TTN: variants seen among roughly 807,000 people sequenced by gnomAD.
TTN encodes the protein connectin.
Under a neutral mutation model 3,223.0 loss-of-function variants are expected in TTN, and 1,525 were observed. That is an observed-to-expected ratio of 0.47 (90% CI 0.45 to 0.49). The LOEUF (loss-of-function observed/expected upper bound fraction) is 0.49, where lower values mean the gene tolerates loss of function less well. TTN is among the 20% of genes least tolerant of loss of function. The probability of loss-of-function intolerance (pLI) is 0.00; values close to 1 mark genes in which losing one functional copy is unlikely to be tolerated. For missense variants in TTN, 40,786 were observed against 43,424.0 expected, an observed-to-expected ratio of 0.94 and a Z score of 5.40; for synonymous variants, 14,094 against 15,161.0, an observed-to-expected ratio of 0.93 and a Z score of 5.17.
At position 178,674,905 on chromosome 2, in the gene TTN, G is replaced by A. The variant is rs904287310; in HGVS notation, c.34612+134C>T. The A allele has an allele frequency of 5.1e-4, 246 of 481,114 alleles. 1 individual carries two copies. Among genetic ancestry groups the A allele is most frequent in the Non-Finnish European group, 7.0e-4 (198 of 282,462 alleles). 29.8% of individuals were successfully genotyped at this position (481,114 alleles called of 1,614,324 possible). A position where few individuals can be genotyped will look rare whatever the true frequency, so the allele number is the denominator to read the frequency against. On this transcript the variant is annotated intron_variant, in intron 150 of 362. Coordinates refer to ENST00000589042, the MANE Select transcript of TTN (RefSeq NM_001267550.2). The stretch of plus-strand genomic sequence containing the variant: ...AATTTGCCTGCCCAATTTCTATTAG[G>A]TTAATAATAATTTATTTTAGAATCT...
chr2:178,530,978 C>T lies in TTN; in HGVS notation c.105637G>A (p.Glu35213Lys). ...VENSEGKQEA[E>K]FTLTIQKARV... The stretch of plus-strand genomic sequence containing the variant: ...GCCTTTTGAATAGTCAGAGTGAACT[C>T]TGCTTCTTGTTTCCCTTCACTGTTT... Residue 35213 changes from glutamate to lysine, a missense_variant, in exon 358 of 363, where the codon GAG becomes AAG. Transcript: ENST00000589042. 2 of 1,614,002 alleles carry T rather than the reference C, an allele frequency of 1.2e-6. No individual in the cohort carries two copies. Among genetic ancestry groups the T allele is most frequent in the East Asian group, 4.5e-5 (2 of 44,880 alleles).
chr2:178,764,914 G>A (rs1486932032), intron 41 of TTN, 103 bp from the exon 42 acceptor site: 48 of 1,394,000 alleles, frequency 3.4e-5, no homozygotes, highest in Non-Finnish European at 4.5e-5. Flanking sequence ...TACATCCAGA[G>A]ACAAAATTTT....
At chr2:178,747,241 T>G (rs775985342) in intron 47 of TTN, 2 of 1,612,338 alleles carry the variant, frequency 1.2e-6, no homozygotes, top group Non-Finnish European at 8.5e-7. Flanking sequence ...CCCCTGGGGG[T>G]GTGGAGTATC....
chr2:178,663,957 A>C lies in TTN; in HGVS notation c.36365-55T>G. ...GGTGTTATGAAGACCGCTAGAAAAA[A>C]ATATTGTCAAGAGCAGAAGAATTAG... On this transcript the variant is annotated intron_variant, in intron 169 of 362. Transcript: ENST00000589042. The C allele has an allele frequency of 1.9e-6, 3 of 1,612,714 alleles. No homozygotes were observed. In the South Asian group the frequency reaches 3.3e-5, roughly 18 times the overall value.
intron 6 of TTN, chr2:178,799,193 G>T (rs909459210): frequency 1.5e-5 from 6 of 399,402 alleles, no homozygotes; most frequent in African/African-American, 1.2e-4. Context: ...CTGCCTTCCC[G>T]CCCAAATGTT....
rs1561183313 is a variant in TTN at position 178,766,548 on chromosome 2, C to A, written c.9536G>T (p.Trp3179Leu). 2 of 1,614,002 alleles carry A rather than the reference C, an allele frequency of 1.2e-6. No individual in the cohort carries two copies. The highest frequency in any genetic ancestry group is 3.3e-4 in the Middle Eastern group (2 of 6,062). ...ATTGATTTCAATGCCATCTTTATAC[C>A]AGTGGGCATCAACATCGTCTTCATT... ...EVNEDDVDAH[W>L]YKDGIEINFQ... Residue 3179 changes from tryptophan (W) to leucine (L), a missense_variant, in exon 41 of 363, where the codon TGG (tryptophan) becomes TTG (leucine). Coordinates refer to ENST00000589042, the MANE Select transcript of TTN (RefSeq NM_001267550.2).
rs1315059139 is a variant in TTN, at chr2:178,564,933, G to T, written c.81199C>A (p.Gln27067Lys). ...APLDSKAVIVQYPFKEPGPPG... is the reference protein window; with the variant it reads ...APLDSKAVIVKYPFKEPGPPG... ...GGTCCAGGTTCTTTAAATGGATATT[G>T]TACAATAACTGCCTTAGAATCCAGT... The change falls in exon 326 of 363, where the codon CAA becomes AAA. Residue 27067 changes from glutamine (Q) to lysine (K), a missense_variant. Transcript: ENST00000589042. 3.7e-6 allele frequency: 6 copies of T among 1,612,318 alleles called. No homozygotes were observed. Among genetic ancestry groups the T allele is most frequent in the South Asian group, 1.1e-5 (1 of 90,814 alleles).
In TTN at chr2:178,559,971, A is replaced by G. The variant is rs186625228; in HGVS notation, c.86161T>C (p.Tyr28721His). 6.2e-7 allele frequency: 1 copy of G among 1,613,792 alleles called. No individual in the cohort carries two copies. Among genetic ancestry groups the G allele is most frequent in the South Asian group, 1.1e-5 (1 of 91,072 alleles). ...TISGLTTGAE[Y>H]VFRVKSVNKV... ...TTGACAGATTTTACTCTGAAAACAT[A>G]TTCAGCTCCTGTTGTTAGTCCGCTT... Residue 28721 changes from tyrosine (Y) to histidine (H), a missense_variant, in exon 326 of 363, where the codon TAT (tyrosine) becomes CAT (histidine). Physicochemically the swap from Tyr to His is moderately conservative, Grantham distance 83. Coordinates refer to ENST00000589042, the MANE Select transcript of TTN (RefSeq NM_001267550.2).
At position 178,607,876 on chromosome 2, in the gene TTN, A is replaced by T; in HGVS notation, c.52911T>A (p.Gly17637=). 1.9e-6 allele frequency: 3 copies of T among 1,612,926 alleles called. No individual in the cohort carries two copies. The highest frequency in any genetic ancestry group is 2.5e-6 in the Non-Finnish European group (3 of 1,179,300). ...CACTCACCCGAAGTTTGTAATCAGC[A>T]CCCTCTCGGATTTCTTTGACGGTGT... ...RQYTVKEIRE[G]ADYKLRVSAV... The change falls in exon 276 of 363, where the codon GGT becomes GGA. Residue 17637 remains glycine (G), a synonymous_variant. Coordinates refer to ENST00000589042, the MANE Select transcript of TTN (RefSeq NM_001267550.2).
chr2:178,741,300 A>G lies in TTN; in HGVS notation c.11933T>C (p.Leu3978Pro). Residue 3978 changes from leucine (L) to proline (P), a missense_variant, in exon 48 of 363, where the codon CTT becomes CCT. By Grantham distance (98) the Leu-to-Pro change is moderately conservative. Coordinates refer to ENST00000589042, the MANE Select transcript of TTN (RefSeq NM_001267550.2). ...GATAGTGTAATAAACACTGGTGCAA[A>G]GCTGCTTGTTTTCTTTGAACCATGT... is the stretch of plus-strand genomic sequence containing the variant. ...TVTWFKENKQ[L>P]CTSVYYTIIH... The G allele has an allele frequency of 4.3e-6, 7 of 1,613,880 alleles. No individual in the cohort carries two copies. The highest frequency in any genetic ancestry group is 5.9e-6 in the Non-Finnish European group (7 of 1,179,826).
intron 98 of TTN, 57 bp downstream of exon 98, chr2:178,710,578 A>G (rs1221487074): frequency 1.9e-6 from 3 of 1,542,294 alleles, no homozygotes; most frequent in Non-Finnish European, 2.6e-6. Flanking sequence ...CGACACCTTC[A>G]GGCTATACTA....
Position 178,530,065 on chromosome 2 carries a change from A to G in TTN, c.106426T>C (p.Phe35476Leu). ...GTATCAGTCTTATGAATTTCTAAGA[A>G]GAACCCTCCCTTGTCTTCAGAGAGT... The part of the protein sequence containing the change: ...YKLSEDKGGF[F>L]LEIHKTDTSD... The change falls in exon 359 of 363, where the codon TTC (phenylalanine) becomes CTC (leucine). Residue 35476 changes from phenylalanine (F) to leucine (L), a missense_variant. Transcript: ENST00000589042. 6.2e-7 allele frequency: 1 copy of G among 1,611,622 alleles called. No homozygotes were observed. Among genetic ancestry groups the G allele is most frequent in the Non-Finnish European group, 8.5e-7 (1 of 1,179,256 alleles).
rs369419838 is a variant in TTN, at chr2:178,748,880, A to G, written c.11311+4244T>C. On this transcript the variant is annotated intron_variant, in intron 47 of 362. Coordinates refer to ENST00000589042, the MANE Select transcript of TTN (RefSeq NM_001267550.2). Reference sequence around the variant, plus strand: ...CTCTGCCTGATACATATTTGCATTTAGATTGCTTGATCTTGATTCTCTTTG... The same window carrying G: ...CTCTGCCTGATACATATTTGCATTTGGATTGCTTGATCTTGATTCTCTTTG... 6.2e-6 allele frequency: 10 copies of G among 1,612,442 alleles called. No homozygotes were observed. The African/African-American group carries it at 1.2e-4, about 19-fold the overall frequency.
Position 178,578,190 on chromosome 2 carries a change from A to G in TTN, c.68330-5T>C. 6.2e-7 allele frequency: 1 copy of G among 1,609,420 alleles called. No individual in the cohort carries two copies. Among genetic ancestry groups the G allele is most frequent in the Non-Finnish European group, 8.5e-7 (1 of 1,178,906 alleles). ...CCTTGAACTCGAGATGATACCCTAC[A>G]AAAGACCCAGGGATGTATCAAGTAT... On this transcript the variant is annotated splice_polypyrimidine_tract_variant and splice_region_variant and intron_variant, in intron 321 of 362. Coordinates refer to ENST00000589042, the MANE Select transcript of TTN (RefSeq NM_001267550.2).
At position 178,576,190 on chromosome 2, in the gene TTN, G is replaced by A; in HGVS notation, c.69942C>T (p.Phe23314=). The A allele has an allele frequency of 6.2e-7, 1 of 1,612,952 alleles. No individual in the cohort carries two copies. Among genetic ancestry groups the A allele is most frequent in the Non-Finnish European group, 8.5e-7 (1 of 1,179,378 alleles). ...CTGCATCGTTGATGGCACTGATTCTGAAGTTGTATTTTTCTTTAGTCTGAA... is the reference window on the plus strand; with the variant it reads ...CTGCATCGTTGATGGCACTGATTCTAAAGTTGTATTTTTCTTTAGTCTGAA... ...PDLQTKEKYN[F]RISAINDAGV... Residue 23314 remains phenylalanine, a synonymous_variant, in exon 326 of 363, where the codon TTC becomes TTT. Transcript: ENST00000589042. This position sits in a 1 kb window ranked among gnomAD's most constrained non-coding sequence, Gnocchi z 4.3.
In TTN at chr2:178,692,538, G is replaced by C. The variant is rs758717472; in HGVS notation, c.31637C>G (p.Pro10546Arg). Residue 10546 changes from proline to arginine, a missense_variant, in exon 120 of 363, where the codon CCT (proline) becomes CGT (arginine). Coordinates refer to ENST00000589042, the MANE Select transcript of TTN (RefSeq NM_001267550.2). ...CTCCACTTTTTTAGGGATAGGAACA[G>C]GGGCCACTTCTTCTGGAGCTGGTTT... ...PEKPAPEEVA[P>R]VPIPKKVEPP... The C allele has an allele frequency of 6.3e-7, 1 of 1,581,790 alleles. No individual in the cohort carries two copies. The highest frequency in any genetic ancestry group is 1.2e-5 in the South Asian group (1 of 84,734).
Position 178,600,966 on chromosome 2 carries a change from A to G in TTN, c.55938T>C (p.Val18646=), listed in dbSNP as rs756643440. Residue 18646 remains valine, a synonymous_variant, in exon 288 of 363, where the codon GTT becomes GTC. Transcript: ENST00000589042. The part of the protein sequence containing the change: ...KRDVEELQFT[V]EDLVEGGEYE... ...ATTCCCCACCCTCTACTAGGTCTTC[A>G]ACAGTAAATTGCAGTTCTTCCACAT... is the stretch of plus-strand genomic sequence containing the variant. 1.2e-6 allele frequency: 2 copies of G among 1,612,900 alleles called. No individual in the cohort carries two copies. Among genetic ancestry groups the G allele is most frequent in the Non-Finnish European group, 1.7e-6 (2 of 1,179,328 alleles).
chr2:178,671,271 T>C (rs1322758892), intron 155 of TTN, 101 bp from the exon 156 acceptor site: 2 of 731,752 alleles, frequency 2.7e-6, no homozygotes, highest in Non-Finnish European at 4.2e-6. Context: ...ATTCTTTATC[T>C]ATATTTTTTT....
rs889102569 is a variant in TTN, at chr2:178,688,723, T to C, written c.32151A>G (p.Lys10717=). ...CTCTTTGAGGAACTGCGAAGGATAG[T>C]TTTTCTTCAGCAACAAATCTCTTTT... The part of the protein sequence containing the change: ...VEEKRFVAEE[K]LSFAVPQRVE... The change falls in exon 126 of 363, where the codon AAA becomes AAG. Residue 10717 remains lysine (K), a synonymous_variant. Coordinates refer to ENST00000589042, the MANE Select transcript of TTN (RefSeq NM_001267550.2). The C allele has an allele frequency of 6.2e-7, 1 of 1,613,868 alleles. No individual in the cohort carries two copies. The highest frequency in any genetic ancestry group is 1.7e-5 in the Admixed American group (1 of 60,030).
Sources: allele counts gnomAD v4.1 joint callset, GRCh38; gene constraint gnomAD v4.1.1; non-coding constraint Gnocchi (gnomAD v3.1); transcripts MANE v1.5; gene names NCBI Gene and HGNC (gene_info 2026-07-23, HGNC 2026-07-21).